The following DHDDS variants were observed in gnomAD, a reference collection of about 807,000 sequenced individuals.
DHDDS encodes the protein dehydrodolichyl diphosphate synthase subunit.
In DHDDS, 16 loss-of-function variants were observed where a neutral mutation model predicts 46.2. The observed-to-expected ratio is 0.35, with a 90% CI of 0.23 to 0.53. The LOEUF (loss-of-function observed/expected upper bound fraction) is 0.53. Among genes scored for constraint, DHDDS ranks in the 20% least tolerant of loss-of-function variants. The pLI is 0.94. For synonymous variants in DHDDS, 151 were observed against 163.1 expected (o/e 0.93, Z 0.56); for missense variants, 340 against 423.7 (o/e 0.80, Z 1.73).
rs897864976 is a variant in DHDDS at position 26,471,273 on chromosome 1, CAAAT to C, written c.*2144_*2147del. On this transcript the variant is annotated 3_prime_UTR_variant, in exon 9 of 9. Transcript: ENST00000236342. ...TATCGTATTCTTGTGTGCTGGGTCT[CAAAT>C]AGAATTTTTAAAGATTCTTAGATGT... 1.3e-5 allele frequency: 2 copies of C among 152,162 alleles called. No individual in the cohort carries two copies. Among genetic ancestry groups the C allele is most frequent in the African/African-American group, 4.8e-5 (2 of 41,426 alleles). The allele number at this position is 152,162 out of a possible 1,614,324, so 9.4% of individuals were successfully genotyped here. A position where few individuals can be genotyped will look rare whatever the true frequency, so the allele number is the denominator to read the frequency against.
At chr1:26,436,030 G>A (rs541858163) in intron 2 of DHDDS, among the ~76,000 whole-genome samples, 12 of 151,716 alleles carry the variant, frequency 7.9e-5, no homozygotes, top group East Asian at 7.8e-4. Context: ...GATTACAGAC[G>A]TGAGCCACTG....
chr1:26,453,628 C>T (rs747897219), intron 6 of DHDDS, among the ~76,000 whole-genome samples: 2 of 152,034 alleles, frequency 1.3e-5, no homozygotes, highest in Non-Finnish European at 2.9e-5. Flanking sequence ...GTGGCATGCA[C>T]CTATAGTCAC....
Position 26,468,875 on chromosome 1 carries a change from T to C in DHDDS, c.766-20T>C, listed in dbSNP as rs1570370655. On this transcript the variant is annotated intron_variant, in intron 8 of 8. Coordinates refer to ENST00000236342, the MANE Select transcript of DHDDS (RefSeq NM_205861.3). ...CCTAAAAATGATCTCCCCACCCCAATCCCCACTTTTCTCTAGCAGAAGGCC... is the reference window on the plus strand; with the variant it reads ...CCTAAAAATGATCTCCCCACCCCAACCCCCACTTTTCTCTAGCAGAAGGCC... 7.7e-7 allele frequency: 1 copy of C among 1,296,348 alleles called. No homozygotes were observed. The allele number at this position is 1,296,348 out of a possible 1,614,324, so 80.3% of individuals were successfully genotyped here.
At chr1:26,467,459 G>C in intron 8 of DHDDS, 1 of 417,252 alleles carries the variant, frequency 2.4e-6, no homozygotes, top group Non-Finnish European at 5.2e-6. Context: ...GAGCCGGGGG[G>C]GACAGTCCAG....
In DHDDS at chr1:26,462,360, T is replaced by G. The variant is rs2124513989; in HGVS notation, c.765+2216T>G. Among the ~76,000 whole-genome samples, 2 of 152,302 alleles carry G rather than the reference T, an allele frequency of 1.3e-5. 1 individual carries two copies. Among genetic ancestry groups the G allele is most frequent in the South Asian group, 4.1e-4 (2 of 4,824 alleles). ...ATTATGATAATAGTAATTATCATCT[T>G]TAAACACTTCATTGTACAACAATAT... is the stretch of plus-strand genomic sequence containing the variant. On this transcript the variant is annotated intron_variant, in intron 8 of 8. Coordinates refer to ENST00000236342, the MANE Select transcript of DHDDS (RefSeq NM_205861.3).
At chr1:26,460,296 C>G in intron 8 of DHDDS, 152 bp downstream of exon 8, 1 of 716,724 alleles carries the variant, frequency 1.4e-6, no homozygotes, top group South Asian at 1.5e-5. Context: ...TACTACTTGT[C>G]AGGCACTGCG....
intron 6 of DHDDS, among the ~76,000 whole-genome samples, chr1:26,450,085 G>C (rs917517912): frequency 6.6e-6 from 1 of 152,190 alleles, no homozygotes; most frequent in African/African-American, 2.4e-5. Flanking sequence ...TCGCCAGTAT[G>C]GAAGCCATCT....
At chr1:26,441,228 T>G (rs2124394735) in intron 3 of DHDDS, among the ~76,000 whole-genome samples, 1 of 150,154 alleles carries the variant, frequency 6.7e-6, no homozygotes, top group South Asian at 2.1e-4. Flanking sequence ...CGGCCTGTTT[T>G]TTTTTGAGTT....
intron 4 of DHDDS, among the ~76,000 whole-genome samples, chr1:26,445,441 G>A (rs1243065785): frequency 6.6e-6 from 1 of 152,208 alleles, no homozygotes; most frequent in African/African-American, 2.4e-5. Context: ...TGCTGGACAT[G>A]GTGGCTCACA....
chr1:26,460,433 G>A (rs960600538), intron 8 of DHDDS, among the ~76,000 whole-genome samples: 2 of 152,216 alleles, frequency 1.3e-5, no homozygotes, highest in Admixed American at 6.5e-5. Flanking sequence ...TCAGTAAGAG[G>A]TAGGAATAGG....
At chr1:26,456,919 T>C (rs1414548342) in intron 6 of DHDDS, among the ~76,000 whole-genome samples, 1 of 152,204 alleles carries the variant, frequency 6.6e-6, no homozygotes, top group Non-Finnish European at 1.5e-5. Context: ...AACATTAGAT[T>C]TTGGACATCT....
intron 2 of DHDDS, among the ~76,000 whole-genome samples, chr1:26,433,518 G>A (rs968007473): frequency 6.6e-6 from 1 of 151,906 alleles, no homozygotes; most frequent in African/African-American, 2.4e-5. Context: ...GCTTGGTGGT[G>A]TGCACCTGTA....
At chr1:26,458,055 C>T in intron 7 of DHDDS, 150 bp downstream of exon 7, 1 of 705,582 alleles carries the variant, frequency 1.4e-6, no homozygotes, top group South Asian at 1.5e-5. Flanking sequence ...CATCTCTAGG[C>T]TGTGTCTCAT....
intron 8 of DHDDS, among the ~76,000 whole-genome samples, chr1:26,464,972 C>T (rs577007651): frequency 3.3e-5 from 5 of 152,286 alleles, no homozygotes; most frequent in African/African-American, 1.2e-4. Flanking sequence ...TGGACCATGA[C>T]AGTCTCCAGG....
chr1:26,455,151 T>TC (rs550358722), intron 6 of DHDDS: 367 of 773,620 alleles, frequency 4.7e-4, no homozygotes, highest in Non-Finnish European at 7.9e-4. Context: ...TTGCATGATA[T>TC]CATGAGGTTC....
chr1:26,454,521 T>C (rs1197173913), intron 6 of DHDDS: 5 of 564,320 alleles, frequency 8.9e-6, no homozygotes, highest in Non-Finnish European at 1.6e-5. Flanking sequence ...CAAAGTGCAC[T>C]CAAATCTATT....
chr1:26,447,727 G>A (rs746837932), intron 6 of DHDDS, 67 bp downstream of exon 6: 21 of 1,427,758 alleles, frequency 1.5e-5, no homozygotes, highest in South Asian at 9.3e-5. Flanking sequence ...GGCAGCTCAC[G>A]CCTGTAATCC....
chr1:26,461,987 C>T (rs2075427124), intron 8 of DHDDS, among the ~76,000 whole-genome samples: 1 of 151,446 alleles, frequency 6.6e-6, no homozygotes, highest in African/African-American at 2.4e-5. Flanking sequence ...GTATCTTGTA[C>T]ATAATTCATT....
intron 8 of DHDDS, among the ~76,000 whole-genome samples, chr1:26,464,937 G>A (rs574470520): frequency 1.8e-4 from 27 of 152,284 alleles, no homozygotes; most frequent in African/African-American, 3.1e-4. Context: ...TACAAGTTGT[G>A]GGGAGCCAGA....
Sources: gnomAD v4.1 joint callset for allele counts (sites outside exome capture counted in the v4.1 genomes callset) on GRCh38, gnomAD v4.1.1 for gene constraint, MANE v1.5 for transcripts, NCBI Gene and HGNC (gene_info 2026-07-23, HGNC 2026-07-21) for gene names.